The following ODAD2 variants were observed in gnomAD, a reference collection of about 807,000 sequenced individuals.
The protein encoded by ODAD2 is outer dynein arm docking complex subunit 2, also known as outer dynein arm-docking complex subunit 2.
A neutral mutation model predicts 106.8 loss-of-function variants in ODAD2; 89 were observed. The observed-to-expected ratio is 0.83, with a 90% confidence interval of 0.70 to 0.99. The LOEUF (loss-of-function observed/expected upper bound fraction) is 0.99. Ranked by LOEUF, ODAD2 falls within the 50% of genes least tolerant of loss-of-function variation. ODAD2 has a pLI of 0.00. For missense variants in ODAD2, 1,168 were observed against 1,238.5 expected (o/e 0.94, Z 0.85); for synonymous variants, 404 against 436.2 (o/e 0.93, Z 0.92).
chr10:27,878,450 G>A (rs1841491003), intron 17 of ODAD2, among the ~76,000 whole-genome samples: 1 of 152,094 alleles, frequency 6.6e-6, no homozygotes, highest in African/African-American at 2.4e-5. Flanking sequence ...CCAGCGAAAA[G>A]CACTGGCAGT....
chr10:27,983,971 A>T lies in ODAD2; in HGVS notation c.691T>A (p.Phe231Ile). ...GGTGGGGCTCGACATCCATTTGAAA[A>T]TTCATAATCTGAAACCAATCATCAA... is the stretch of plus-strand genomic sequence containing the variant. ...ESIEYTSDYEFSNGCRAPPWR... is the reference protein window; with the variant it reads ...ESIEYTSDYEISNGCRAPPWR... Residue 231 changes from phenylalanine to isoleucine, a missense_variant, in exon 6 of 20, where the codon TTT becomes ATT. By Grantham distance (21) the Phe-to-Ile change is conservative. This residue lies in a region of ODAD2 where 430 missense variants were observed against 452.2 expected (regional missense o/e 0.95). Transcript: ENST00000305242. 1 of 1,607,946 alleles carries T rather than the reference A, an allele frequency of 6.2e-7. No homozygotes were observed. The highest frequency in any genetic ancestry group is 1.3e-5 in the African/African-American group (1 of 74,508).
intron 7 of ODAD2, among the ~76,000 whole-genome samples, chr10:27,974,507 T>C (rs1849061258): frequency 6.6e-6 from 1 of 152,218 alleles, no homozygotes. Context: ...TTGCTTGTTT[T>C]TGTCAGCTTT....
chr10:27,967,616 T>G (rs1043418894), intron 9 of ODAD2, among the ~76,000 whole-genome samples: 3 of 151,818 alleles, frequency 2.0e-5, no homozygotes, highest in African/African-American at 7.3e-5. Context: ...TTAGGCCAGG[T>G]GCAGTGGCTC....
intron 16 of ODAD2, among the ~76,000 whole-genome samples, chr10:27,913,202 G>A (rs1044258411): frequency 6.6e-6 from 1 of 152,024 alleles, no homozygotes; most frequent in Non-Finnish European, 1.5e-5. Context: ...TGTCGCGGGG[G>A]TTTGGTGTAC....
At chr10:27,963,947 C>T (rs1470821072) in intron 9 of ODAD2, among the ~76,000 whole-genome samples, 13 of 152,198 alleles carry the variant, frequency 8.5e-5, no homozygotes, top group South Asian at 8.3e-4. Flanking sequence ...TTGGGCCGGG[C>T]ATGGTGGCTC....
intron 19 of ODAD2, among the ~76,000 whole-genome samples, chr10:27,827,306 T>G (rs925460625): frequency 7.3e-5 from 11 of 151,274 alleles, no homozygotes; most frequent in Admixed American, 6.6e-4. Context: ...CATTATTTCA[T>G]GAACTACTGC....
chr10:27,851,882 C>G (rs891306039), intron 19 of ODAD2, among the ~76,000 whole-genome samples: 5 of 152,106 alleles, frequency 3.3e-5, no homozygotes, highest in African/African-American at 1.2e-4. Context: ...CCATCATAAT[C>G]AAATTTCTCC....
At chr10:27,845,993 T>C (rs917611420) in intron 19 of ODAD2, among the ~76,000 whole-genome samples, 1 of 152,148 alleles carries the variant, frequency 6.6e-6, no homozygotes, top group Non-Finnish European at 1.5e-5. Flanking sequence ...AACACCCCAC[T>C]GTCAACATTA....
rs139602567 is a variant in ODAD2, at chr10:27,978,515, G to A, written c.936+2951C>T. 3.6e-4 allele frequency among the ~76,000 whole-genome samples: 55 copies of A among 152,190 alleles called. 1 individual carries two copies. The East Asian group carries it at 8.3e-3, about 23-fold the overall frequency. ...CACCAAGAAAAGGAAAACTGGAGCC[G>A]GGCATGGTGGCTCACACCTGTAATC... On this transcript the variant is annotated intron_variant, in intron 7 of 19. Transcript: ENST00000305242.
chr10:27,867,645 C>A (rs1840541033), intron 17 of ODAD2, among the ~76,000 whole-genome samples: 2 of 152,114 alleles, frequency 1.3e-5, no homozygotes. Context: ...CAGGAAAACT[C>A]ATTTCACTTA....
chr10:27,985,956 T>C (rs1390916297), intron 3 of ODAD2, among the ~76,000 whole-genome samples: 2 of 152,074 alleles, frequency 1.3e-5, no homozygotes, highest in Non-Finnish European at 2.9e-5. Flanking sequence ...AACCCTTGTT[T>C]AGAATGGAGA....
intron 16 of ODAD2, among the ~76,000 whole-genome samples, chr10:27,912,060 G>A (rs1215857670): frequency 6.6e-6 from 1 of 152,162 alleles, no homozygotes; most frequent in East Asian, 1.9e-4. Flanking sequence ...TCTCTAAGTG[G>A]AAAGTGTATT....
At chr10:27,875,791 C>T (rs1276874160) in intron 17 of ODAD2, among the ~76,000 whole-genome samples, 1 of 152,146 alleles carries the variant, frequency 6.6e-6, no homozygotes, top group Non-Finnish European at 1.5e-5. Flanking sequence ...AATTCCCTTT[C>T]CTAGCCAAGG....
chr10:27,932,476 T>C (rs1449828315), intron 16 of ODAD2, among the ~76,000 whole-genome samples: 1 of 152,204 alleles, frequency 6.6e-6, no homozygotes, highest in Non-Finnish European at 1.5e-5. Context: ...CACAGAAAGA[T>C]TAAAAGATGA....
At chr10:27,823,721 A>T (rs1441192738) in intron 19 of ODAD2, among the ~76,000 whole-genome samples, 3 of 152,200 alleles carry the variant, frequency 2.0e-5, no homozygotes, top group Non-Finnish European at 4.4e-5. Flanking sequence ...TGTTGGACTG[A>T]TCCAAATAAG....
chr10:27,870,011 T>C (rs1021418809), intron 17 of ODAD2, among the ~76,000 whole-genome samples: 6 of 152,026 alleles, frequency 3.9e-5, no homozygotes, highest in Admixed American at 3.3e-4. Context: ...ATATATATAG[T>C]TGGAAGTATA....
chr10:27,934,741 T>C (rs1845845158), intron 16 of ODAD2, among the ~76,000 whole-genome samples: 1 of 152,122 alleles, frequency 6.6e-6, no homozygotes, highest in Admixed American at 6.6e-5. Flanking sequence ...GAGAAAAGTT[T>C]TGTTGACTGA....
chr10:27,997,775 G>A (rs1850640420), intron 1 of ODAD2, among the ~76,000 whole-genome samples: 1 of 152,160 alleles, frequency 6.6e-6, no homozygotes, highest in Non-Finnish European at 1.5e-5. Flanking sequence ...TCAAAACTAA[G>A]ATTTTAAAAT....
chr10:27,994,366 A>G (rs1336095658), intron 2 of ODAD2, among the ~76,000 whole-genome samples: 5 of 152,164 alleles, frequency 3.3e-5, no homozygotes, highest in South Asian at 2.1e-4. Flanking sequence ...AGAGGTCACG[A>G]AACCAATGGC....
Sources: gnomAD v4.1 joint callset for allele counts (sites outside exome capture counted in the v4.1 genomes callset) on GRCh38, gnomAD v4.1.1 for gene constraint, gnomAD v4.1.1 regional missense constraint, MANE v1.5 for transcripts, NCBI Gene and HGNC (gene_info 2026-07-23, HGNC 2026-07-21) for gene names.